CACNG7: variants seen among roughly 807,000 people sequenced by gnomAD.
CACNG7 encodes voltage-dependent calcium channel gamma-7 subunit.
A neutral mutation model predicts 26.3 loss-of-function variants in CACNG7; 9 were observed. The ratio of observed to expected loss-of-function variants is 0.34; its 90% CI spans 0.21 to 0.60. CACNG7 has a LOEUF of 0.60. CACNG7 is among the 20% of genes least tolerant of loss of function. CACNG7 has a pLI of 0.81. For missense variants in CACNG7, 297 were observed against 380.4 expected (o/e 0.78, Z 1.82); for synonymous variants, 170 against 157.0 (o/e 1.08, Z -0.62).
At position 53,909,993 on chromosome 19, in the gene CACNG7, AGAG is replaced by A. The variant is rs1422549284; in HGVS notation, c.-30+481_-30+483del. On this transcript the variant is annotated intron_variant, in intron 1 of 5. Coordinates refer to ENST00000391767, the MANE Select transcript of CACNG7 (RefSeq NM_031896.5). This position sits in a 1 kb window ranked among gnomAD's most constrained non-coding sequence, Gnocchi z 5.1. ...GGAAAGGGTGGGAGAAAGAGGGAGA[AGAG>A]GAGGCTTCAGGCCTGGGGGGAGGGT... 6.6e-6 allele frequency among the ~76,000 whole-genome samples: 1 copy of A among 152,062 alleles called. No individual in the cohort carries two copies. Among genetic ancestry groups the A allele is most frequent in the Non-Finnish European group, 1.5e-5 (1 of 68,018 alleles).
intron 4 of CACNG7, among the ~76,000 whole-genome samples, chr19:53,920,401 C>G (rs1250876468): frequency 2.8e-4 from 23 of 81,028 alleles, no homozygotes; most frequent in South Asian, 1.3e-3. Flanking sequence ...CATTGGTGGA[C>G]TTGCCCCAGG....
At chr19:53,918,496 A>C (rs1464685969) in intron 4 of CACNG7, among the ~76,000 whole-genome samples, 8 of 152,198 alleles carry the variant, frequency 5.3e-5, no homozygotes, top group African/African-American at 1.9e-4. Flanking sequence ...AAGAAGAATA[A>C]TAGGTAAAAA....
Position 53,909,552 on chromosome 19 carries a change from G to A in CACNG7, c.-30+35G>A, listed in dbSNP as rs2068849584. 1 of 152,584 alleles carries A rather than the reference G, an allele frequency of 6.6e-6. No individual in the cohort carries two copies. The highest frequency in any genetic ancestry group is 2.4e-5 in the African/African-American group (1 of 41,464). 9.5% of individuals were successfully genotyped at this position (152,584 alleles called of 1,614,324 possible). A position where few individuals can be genotyped will look rare whatever the true frequency, so the allele number is the denominator to read the frequency against. The stretch of plus-strand genomic sequence containing the variant: ...AGCGGAGGGTCCTGGGAGGAAGAAG[G>A]GGCGCCCCTCGAGGTGGCTGCGAGC... On this transcript the variant is annotated intron_variant, in intron 1 of 5. Transcript: ENST00000391767. The surrounding 1 kb of genome is among the most constrained non-coding windows in gnomAD (Gnocchi z 5.1).
rs1054766322 is a variant in CACNG7, at chr19:53,939,074, T to C, written c.425-2396T>C. Among the ~76,000 whole-genome samples the C allele has an allele frequency of 3.3e-5, 5 of 152,146 alleles. No homozygotes were observed. Among genetic ancestry groups the C allele is most frequent in the African/African-American group, 1.2e-4 (5 of 41,442 alleles). ...GAGTTTGAGACCAGCCTGGTCAACA[T>C]TGTGAAGCCCTGTCTCTACTAAAAA... On this transcript the variant is annotated intron_variant, in intron 4 of 5. Transcript: ENST00000391767. This position sits in a 1 kb window ranked among gnomAD's most constrained non-coding sequence, Gnocchi z 4.2.
intron 4 of CACNG7, among the ~76,000 whole-genome samples, chr19:53,920,447 T>G (rs1167659676): frequency 1.5e-4 from 11 of 73,202 alleles, no homozygotes; most frequent in Non-Finnish European, 2.4e-4. Context: ...GGCCGGTCAT[T>G]GGTGGAGTCG....
chr19:53,919,029 C>G (rs1025196603), intron 4 of CACNG7, among the ~76,000 whole-genome samples: 1 of 152,214 alleles, frequency 6.6e-6, no homozygotes, highest in Admixed American at 6.5e-5. Flanking sequence ...CTCGGCCTCC[C>G]GAAGTGCTGG....
chr19:53,926,582 G>T (rs1443236101), intron 4 of CACNG7, among the ~76,000 whole-genome samples: 2 of 152,032 alleles, frequency 1.3e-5, no homozygotes, highest in African/African-American at 4.8e-5. Flanking sequence ...TGTGCCATTT[G>T]TTTTTTGTCT....
intron 4 of CACNG7, among the ~76,000 whole-genome samples, chr19:53,922,722 G>T (rs2068972433): frequency 1.4e-5 from 1 of 70,478 alleles, no homozygotes; most frequent in Admixed American, 1.0e-4. Context: ...GTTGCCCCAG[G>T]TCTGGTCATT....
intron 4 of CACNG7, among the ~76,000 whole-genome samples, chr19:53,926,494 G>A (rs2069032080): frequency 6.6e-6 from 1 of 152,038 alleles, no homozygotes; most frequent in East Asian, 1.9e-4. Flanking sequence ...TCTGACAACA[G>A]TACCTAGTAT....
In CACNG7 at chr19:53,943,697, A is replaced by G. The variant is rs1189954285; in HGVS notation, c.*1404A>G. On this transcript the variant is annotated 3_prime_UTR_variant, in exon 6 of 6. Coordinates refer to ENST00000391767, the MANE Select transcript of CACNG7 (RefSeq NM_031896.5). ...TATGTAAATATCGACAGAAACTTCAATAAACTTTATTTCAAACACGTCTCC... is the reference window on the plus strand; with the variant it reads ...TATGTAAATATCGACAGAAACTTCAGTAAACTTTATTTCAAACACGTCTCC... The G allele has an allele frequency of 6.6e-6, 1 of 152,054 alleles. No homozygotes were observed. Among genetic ancestry groups the G allele is most frequent in the Non-Finnish European group, 1.5e-5 (1 of 68,012 alleles). 9.4% of individuals were successfully genotyped at this position (152,054 alleles called of 1,614,324 possible). A position where few individuals can be genotyped will look rare whatever the true frequency, so the allele number is the denominator to read the frequency against.
chr19:53,934,991 C>G (rs1240572727), intron 4 of CACNG7, among the ~76,000 whole-genome samples: 1 of 152,010 alleles, frequency 6.6e-6, no homozygotes, highest in Non-Finnish European at 1.5e-5. Context: ...GTCTCTCTCT[C>G]TCTCCATATA....
intron 1 of CACNG7, among the ~76,000 whole-genome samples, chr19:53,911,499 G>A (rs770935441): frequency 7.2e-5 from 11 of 152,198 alleles, no homozygotes; most frequent in Non-Finnish European, 1.6e-4. Flanking sequence ...GCCTAGATCT[G>A]GGAGGGTGGA....
intron 4 of CACNG7, among the ~76,000 whole-genome samples, chr19:53,934,973 G>A (rs545404545): frequency 6.6e-6 from 1 of 151,678 alleles, no homozygotes; most frequent in African/African-American, 2.4e-5. Flanking sequence ...TACAACATTT[G>A]CCTTTCTGTC....
intron 4 of CACNG7, among the ~76,000 whole-genome samples, chr19:53,923,979 GT>G (rs1420558362): frequency 1.2e-5 from 1 of 86,914 alleles, no homozygotes; most frequent in Admixed American, 1.1e-4. Context: ...TGGTGGAGTT[GT>G]CCCCAGGCCT....
At chr19:53,932,627 A>T (rs1273511190) in intron 4 of CACNG7, among the ~76,000 whole-genome samples, 1 of 152,110 alleles carries the variant, frequency 6.6e-6, no homozygotes, top group East Asian at 1.9e-4. Context: ...GCAAATCCAG[A>T]TCCAAGTTCC....
chr19:53,924,851 G>C (rs1599985334), intron 4 of CACNG7, among the ~76,000 whole-genome samples: 1 of 145,544 alleles, frequency 6.9e-6, no homozygotes, highest in Non-Finnish European at 1.5e-5. Flanking sequence ...CCCAGGTCTG[G>C]TCATTGGTGG....
At chr19:53,924,579 C>CCCCAGGCTGGTCATTGGTGGAGTTG (rs1290995108) in intron 4 of CACNG7, among the ~76,000 whole-genome samples, 2 of 146,074 alleles carry the variant, frequency 1.4e-5, no homozygotes, top group Non-Finnish European at 3.0e-5. Context: ...GGTGGAGTTG[C>CCCCAGGCTGGTCATTGGTGGAGTTG]CCCAGGCTGG....
intron 4 of CACNG7, among the ~76,000 whole-genome samples, chr19:53,919,306 G>C (rs1026683067): frequency 2.9e-4 from 44 of 152,258 alleles, no homozygotes; most frequent in African/African-American, 1.1e-3. Context: ...GAGAGAGAAA[G>C]ACAGGGATTG....
At chr19:53,915,091 G>A (rs192440487) in intron 3 of CACNG7, among the ~76,000 whole-genome samples, 1,560 of 152,036 alleles carry the variant, frequency 0.01, 16 homozygotes, top group Middle Eastern at 0.044. Context: ...CAAGGTTGAA[G>A]GGGTGAGGTC....
Sources: allele counts gnomAD v4.1 joint callset (sites outside exome capture counted in the v4.1 genomes callset), GRCh38; gene constraint gnomAD v4.1.1; non-coding constraint Gnocchi (gnomAD v3.1); transcripts MANE v1.5; gene names NCBI Gene and HGNC (gene_info 2026-07-23, HGNC 2026-07-21).